KIF26B: variants seen among roughly 807,000 people sequenced by gnomAD.
KIF26B encodes the protein kinesin family member 26B.
In KIF26B, 63 loss-of-function variants were observed where a neutral mutation model predicts 151.2. That is an observed-to-expected ratio of 0.42 (90% CI 0.34 to 0.51). The LOEUF is 0.51. Among genes scored for constraint, KIF26B ranks in the 20% least tolerant of loss-of-function variants. The pLI is 0.07. For synonymous variants in KIF26B, 1,357 were observed against 1,262.1 expected, an observed-to-expected ratio of 1.08 and a Z score of -1.59; for missense variants, 2,813 against 2,913.6, an observed-to-expected ratio of 0.97 and a Z score of 0.79.
intron 5 of KIF26B, among the ~76,000 whole-genome samples, chr1:245,588,017 C>T (rs1450066311): frequency 1.3e-5 from 2 of 152,184 alleles, no homozygotes; most frequent in Non-Finnish European, 2.9e-5. Flanking sequence ...CCTTATTGAT[C>T]AGGTGCCTTT....
chr1:245,656,917 T>C (rs1329969775), intron 10 of KIF26B, among the ~76,000 whole-genome samples: 1 of 152,222 alleles, frequency 6.6e-6, no homozygotes, highest in Admixed American at 6.5e-5. Flanking sequence ...TTAAGTTGTA[T>C]CAAATTGTCT....
chr1:245,699,784 C>G (rs186202932), intron 14 of KIF26B, among the ~76,000 whole-genome samples: 2 of 152,234 alleles, frequency 1.3e-5, no homozygotes, highest in African/African-American at 4.8e-5. Context: ...CAGCCCTCAG[C>G]CTCCGGCAGG....
intron 2 of KIF26B, among the ~76,000 whole-genome samples, chr1:245,357,122 C>A (rs1354841954): frequency 6.6e-6 from 1 of 152,116 alleles, no homozygotes; most frequent in Non-Finnish European, 1.5e-5. Flanking sequence ...GACCAGGAGG[C>A]CGAGTCCTGC....
intron 2 of KIF26B, among the ~76,000 whole-genome samples, chr1:245,284,420 T>C (rs1197065345): frequency 1.3e-5 from 2 of 152,152 alleles, no homozygotes; most frequent in Admixed American, 1.3e-4. Flanking sequence ...AAATACATTT[T>C]GGGTTTTTTT....
At chr1:245,198,295 A>G (rs963379070) in intron 2 of KIF26B, among the ~76,000 whole-genome samples, 4 of 152,238 alleles carry the variant, frequency 2.6e-5, no homozygotes, top group African/African-American at 9.6e-5. Context: ...GCCCTCAGAC[A>G]AGTTACTTGT....
chr1:245,554,243 G>A (rs1280327038), intron 5 of KIF26B, among the ~76,000 whole-genome samples: 1 of 152,202 alleles, frequency 6.6e-6, no homozygotes, highest in African/African-American at 2.4e-5. Context: ...GCTACTTGAG[G>A]GTGGGAATCT....
intron 2 of KIF26B, among the ~76,000 whole-genome samples, chr1:245,172,258 A>C (rs1370603370): frequency 2.0e-5 from 3 of 152,104 alleles, no homozygotes; most frequent in African/African-American, 4.8e-5. Flanking sequence ...GTGCAGAGTT[A>C]GGACACTTGG....
At chr1:245,180,641 G>A (rs1219287090) in intron 2 of KIF26B, among the ~76,000 whole-genome samples, 2 of 152,012 alleles carry the variant, frequency 1.3e-5, no homozygotes, top group Non-Finnish European at 2.9e-5. Context: ...ATCTTCAGCT[G>A]TGCTCATGTG....
rs771699727 is a variant in KIF26B, at chr1:245,313,029, C to G, written c.466-53805C>G. On this transcript the variant is annotated intron_variant, in intron 2 of 14. Transcript: ENST00000407071. ...CAAAAATTAGCCAGGCGTGGTGGTGCGCACCTGTAGTCCCAGCTACTCGGG... is the reference window on the plus strand; with the variant it reads ...CAAAAATTAGCCAGGCGTGGTGGTGGGCACCTGTAGTCCCAGCTACTCGGG... Among the ~76,000 whole-genome samples, 4 of 152,038 alleles carry G rather than the reference C, an allele frequency of 2.6e-5. No individual in the cohort carries two copies. The East Asian group carries it at 5.8e-4, about 22-fold the overall frequency.
chr1:245,531,466 C>T lies in KIF26B; in HGVS notation c.1167-9301C>T, dbSNP rs190654262. On this transcript the variant is annotated intron_variant, in intron 4 of 14. Coordinates refer to ENST00000407071, the MANE Select transcript of KIF26B (RefSeq NM_018012.4). ...GTGGTACAAATACCTTCTCTGCTGG[C>T]CTCCCAGGGCCAGGTTAAGGATGGA... Among the ~76,000 whole-genome samples, 3 of 152,140 alleles carry T rather than the reference C, an allele frequency of 2.0e-5. No individual in the cohort carries two copies. The East Asian group carries it at 5.8e-4, about 29-fold the overall frequency.
At chr1:245,248,589 G>A (rs779274473) in intron 2 of KIF26B, among the ~76,000 whole-genome samples, 1 of 152,210 alleles carries the variant, frequency 6.6e-6, no homozygotes, top group East Asian at 1.9e-4. Context: ...TTGACGCCAA[G>A]AACTAAATCG....
At chr1:245,374,896 G>C (rs1673236859) in intron 3 of KIF26B, among the ~76,000 whole-genome samples, 1 of 152,116 alleles carries the variant, frequency 6.6e-6, no homozygotes, top group Non-Finnish European at 1.5e-5. Context: ...GGAACACCCA[G>C]ACTTCACTAG....
chr1:245,350,484 G>A (rs1672544798), intron 2 of KIF26B, among the ~76,000 whole-genome samples: 1 of 152,096 alleles, frequency 6.6e-6, no homozygotes, highest in East Asian at 1.9e-4. Context: ...TCTCATCCCA[G>A]TGCAAAGTGT....
intron 2 of KIF26B, among the ~76,000 whole-genome samples, chr1:245,213,695 T>C (rs1238574459): frequency 1.3e-5 from 2 of 152,072 alleles, no homozygotes; most frequent in Non-Finnish European, 1.5e-5. Context: ...GAAGGCGTTG[T>C]GCGTGGTGTG....
chr1:245,645,546 T>C (rs2043937456), intron 9 of KIF26B, among the ~76,000 whole-genome samples: 2 of 152,242 alleles, frequency 1.3e-5, no homozygotes, highest in Admixed American at 1.3e-4. Flanking sequence ...CTGTGGGAAC[T>C]GAACGAAACT....
intron 10 of KIF26B, among the ~76,000 whole-genome samples, chr1:245,666,833 G>A (rs2044221969): frequency 1.3e-5 from 2 of 152,110 alleles, no homozygotes; most frequent in East Asian, 3.9e-4. Context: ...TTGTACCTGT[G>A]CAGCATCAGT....
chr1:245,556,239 TTCC>T (rs1476478980), intron 5 of KIF26B, among the ~76,000 whole-genome samples: 2 of 149,760 alleles, frequency 1.3e-5, no homozygotes, highest in Admixed American at 6.7e-5. Flanking sequence ...CTTCTTCTTC[TTCC>T]TCCTTCTTCC....
intron 4 of KIF26B, among the ~76,000 whole-genome samples, chr1:245,507,955 T>A (rs947494240): frequency 1.3e-5 from 2 of 152,168 alleles, no homozygotes; most frequent in African/African-American, 4.8e-5. Context: ...ACATTGGGGC[T>A]TAATGTGGTG....
intron 4 of KIF26B, among the ~76,000 whole-genome samples, chr1:245,529,646 G>T (rs965999738): frequency 1.3e-5 from 2 of 152,020 alleles, no homozygotes. Context: ...GCAAACATTC[G>T]TAGTTACTTG....
Sources: allele counts gnomAD v4.1 joint callset (sites outside exome capture counted in the v4.1 genomes callset), GRCh38; gene constraint gnomAD v4.1.1; transcripts MANE v1.5; gene names NCBI Gene and HGNC (gene_info 2026-07-23, HGNC 2026-07-21).